ANO5: variants seen among roughly 807,000 people sequenced by gnomAD.
The protein encoded by ANO5 is anoctamin 5.
ANO5 carries 109 observed loss-of-function variants against 121.0 expected under a neutral mutation model. The observed-to-expected ratio is 0.90, with a 90% CI of 0.77 to 1.06. The LOEUF (loss-of-function observed/expected upper bound fraction) is 1.06, where lower values mean the gene tolerates loss of function less well. Among genes scored for constraint, ANO5 ranks in the 50% least tolerant of loss-of-function variants. The pLI, the probability that ANO5 is intolerant of heterozygous loss-of-function variation, is 0.00. For missense variants in ANO5, 1,064 were observed against 1,078.5 expected (o/e 0.99, Z 0.19); for synonymous variants, 406 against 359.9 (o/e 1.13, Z -1.45).
chr11:22,252,351 T>A (rs997012796), intron 12 of ANO5, among the ~76,000 whole-genome samples: 1 of 152,144 alleles, frequency 6.6e-6, no homozygotes, highest in Non-Finnish European at 1.5e-5. Flanking sequence ...AACAAATACA[T>A]TGTGAGAATT....
At chr11:22,271,218 G>A (rs564694264) in intron 18 of ANO5, among the ~76,000 whole-genome samples, 1 of 152,244 alleles carries the variant, frequency 6.6e-6, no homozygotes, top group Non-Finnish European at 1.5e-5. Context: ...ATCACGCCCG[G>A]CTAATTTTTG....
At chr11:22,247,566 G>C (rs1481181774) in intron 9 of ANO5, among the ~76,000 whole-genome samples, 2 of 152,044 alleles carry the variant, frequency 1.3e-5, no homozygotes, top group African/African-American at 4.8e-5. Flanking sequence ...TGGATTATTG[G>C]ATATGGAGGA....
chr11:22,260,794 C>A (rs747756993), intron 15 of ANO5, among the ~76,000 whole-genome samples: 4 of 152,162 alleles, frequency 2.6e-5, no homozygotes, highest in Non-Finnish European at 4.4e-5. Context: ...ACTGGGAGAT[C>A]ATCAGCTCAG....
intron 17 of ANO5, among the ~76,000 whole-genome samples, chr11:22,267,613 ATC>A (rs1161430168): frequency 2.8e-5 from 3 of 108,370 alleles, no homozygotes; most frequent in African/African-American, 9.3e-5. Flanking sequence ...CAGTACAACA[ATC>A]TCTCTCTTTT....
chr11:22,202,143 G>A (rs1851983663), intron 1 of ANO5, among the ~76,000 whole-genome samples: 1 of 139,200 alleles, frequency 7.2e-6, no homozygotes, highest in African/African-American at 3.4e-5. Context: ...GCAAAGCTAT[G>A]ACCCATAAAT....
chr11:22,229,200 T>C lies in ANO5; in HGVS notation c.648+1614T>C, dbSNP rs73481640. Among the ~76,000 whole-genome samples, 1,369 of 152,094 alleles carry C rather than the reference T, an allele frequency of 9.0e-3. 32 individuals carry two copies. The highest frequency in any genetic ancestry group is 0.032 in the African/African-American group (1,330 of 41,516). ...TCTCCAACACTTGTTATCTTTTGAT[T>C]TTGTTTATTAATTTAATCATCAGGG... On this transcript the variant is annotated intron_variant, in intron 7 of 21. Transcript: ENST00000324559.
chr11:22,212,329 T>A (rs951215410), intron 3 of ANO5, among the ~76,000 whole-genome samples: 2 of 151,936 alleles, frequency 1.3e-5, no homozygotes, highest in African/African-American at 2.4e-5. Context: ...AAATCTTTCT[T>A]CTTTGTCCTC....
chr11:22,264,956 A>T (rs1228301684), intron 17 of ANO5, among the ~76,000 whole-genome samples: 1 of 152,148 alleles, frequency 6.6e-6, no homozygotes, highest in African/African-American at 2.4e-5. Flanking sequence ...AAAATAAAAT[A>T]AGGGTATGTT....
intron 4 of ANO5, among the ~76,000 whole-genome samples, chr11:22,220,035 A>G (rs973399025): frequency 6.6e-6 from 1 of 151,798 alleles, no homozygotes. Context: ...CAGATCAAAC[A>G]TGAGACTTAT....
intron 12 of ANO5, 139 bp downstream of exon 12, chr11:22,251,150 C>T (rs1318520280): frequency 1.1e-5 from 10 of 881,552 alleles, no homozygotes; most frequent in Admixed American, 6.0e-5. Context: ...CATTAATATA[C>T]TGATGGAGTG....
intron 20 of ANO5, 70 bp downstream of exon 20, chr11:22,274,817 C>T (rs1554934811): frequency 6.5e-7 from 1 of 1,537,568 alleles, no homozygotes; most frequent in Non-Finnish European, 8.9e-7. Context: ...TTATCTATTA[C>T]CTTTCTGTCT....
At chr11:22,211,455 A>G (rs1564914425) in intron 3 of ANO5, 141 bp downstream of exon 3, 1 of 1,066,414 alleles carries the variant, frequency 9.4e-7, no homozygotes, top group Non-Finnish European at 1.4e-6. Flanking sequence ...TTACTTTAGA[A>G]AAAAAAAATC....
chr11:22,193,141 C>T lies in ANO5; in HGVS notation c.-352C>T, dbSNP rs952120326. 236 of 1,110,174 alleles carry T rather than the reference C, an allele frequency of 2.1e-4. No homozygotes were observed. Among genetic ancestry groups the T allele is most frequent in the Non-Finnish European group, 2.6e-4 (233 of 904,186 alleles). The allele number at this position is 1,110,174 out of a possible 1,614,324, so 68.8% of individuals were successfully genotyped here. On this transcript the variant is annotated 5_prime_UTR_variant, in exon 1 of 22. Transcript: ENST00000324559. ...GGCGGCTGCGGGATCAGCTGCCGAG[C>T]AGGCACAGGGACAGGTGCCTGGAGA... is the stretch of plus-strand genomic sequence containing the variant.
intron 9 of ANO5, among the ~76,000 whole-genome samples, chr11:22,247,873 C>T (rs758581025): frequency 6.6e-6 from 1 of 151,924 alleles, no homozygotes; most frequent in East Asian, 1.9e-4. Flanking sequence ...TTCCTTCCAG[C>T]TTACACTTCA....
rs1239852095 is a variant in ANO5, at chr11:22,267,525, A to ATATATATATATATATAT, written c.1899-2787_1899-2786insTATATATATATATATAT. ...ATCTACAATTATATATATATATATA[A>ATATATATATATATATAT]AATCTATCTACAATTATACCAAGTG... On this transcript the variant is annotated intron_variant, in intron 17 of 21. Transcript: ENST00000324559. 4.3e-3 allele frequency among the ~76,000 whole-genome samples: 599 copies of ATATATATATATATATAT among 139,936 alleles called. 23 individuals carry two copies. Among genetic ancestry groups the ATATATATATATATATAT allele is most frequent in the African/African-American group, 0.018 (570 of 31,786 alleles). The allele number at this position is 139,936 out of a possible 152,430, so 91.8% of individuals were successfully genotyped here.
intron 4 of ANO5, among the ~76,000 whole-genome samples, chr11:22,220,666 A>AAACATT: frequency 6.6e-6 from 1 of 152,148 alleles, no homozygotes; most frequent in East Asian, 1.9e-4. Context: ...AACATAGAAT[A>AAACATT]AACATTAATC....
chr11:22,199,023 A>G (rs1189770956), intron 1 of ANO5, among the ~76,000 whole-genome samples: 1 of 152,174 alleles, frequency 6.6e-6, no homozygotes, highest in African/African-American at 2.4e-5. Flanking sequence ...TTAGATTTGT[A>G]TCTTTTACAT....
Position 22,193,417 on chromosome 11 carries a change from C to T in ANO5, c.-76C>T, listed in dbSNP as rs1036202051. ...CCACAGTCAGATTCAGCACCTGCCTCAGATCTCCACGTCTGTCTCAGCTGC... is the reference window on the plus strand; with the variant it reads ...CCACAGTCAGATTCAGCACCTGCCTTAGATCTCCACGTCTGTCTCAGCTGC... On this transcript the variant is annotated 5_prime_UTR_variant, in exon 1 of 22. Coordinates refer to ENST00000324559, the MANE Select transcript of ANO5 (RefSeq NM_213599.3). The T allele has an allele frequency of 3.8e-6, 6 of 1,562,748 alleles. No individual in the cohort carries two copies. The Admixed American group carries it at 9.6e-5, about 25-fold the overall frequency.
chr11:22,205,728 A>G (rs1242204290), intron 2 of ANO5, among the ~76,000 whole-genome samples: 8 of 152,128 alleles, frequency 5.3e-5, no homozygotes, highest in Non-Finnish European at 1.5e-5. Flanking sequence ...CCAGACTGGC[A>G]GAAAGGGAGT....
Sources: gnomAD v4.1 joint callset for allele counts (sites outside exome capture counted in the v4.1 genomes callset) on GRCh38, gnomAD v4.1.1 for gene constraint, MANE v1.5 for transcripts, NCBI Gene and HGNC (gene_info 2026-07-23, HGNC 2026-07-21) for gene names.